The following NLRC4 variants were observed in gnomAD, a reference collection of about 807,000 sequenced individuals.
The protein encoded by NLRC4 is NLR family CARD domain-containing protein 4.
Under a neutral mutation model 79.9 loss-of-function variants are expected in NLRC4, and 63 were observed. The ratio of observed to expected loss-of-function variants is 0.79; its 90% CI spans 0.64 to 0.97. The LOEUF (loss-of-function observed/expected upper bound fraction) is 0.97. NLRC4 is among the 50% of genes least tolerant of loss of function. The probability of loss-of-function intolerance (pLI) is 0.00; values close to 1 mark genes in which losing one functional copy is unlikely to be tolerated. For synonymous variants in NLRC4, 461 were observed against 456.5 expected, an observed-to-expected ratio of 1.01 and a Z score of -0.12; for missense variants, 1,074 against 1,215.2, an observed-to-expected ratio of 0.88 and a Z score of 1.73.
At chr2:32,234,696 C>A (rs985702826) in intron 8 of NLRC4, among the ~76,000 whole-genome samples, 2 of 152,202 alleles carry the variant, frequency 1.3e-5, no homozygotes, top group Non-Finnish European at 2.9e-5. Context: ...AGTGAGGCCT[C>A]CAGCCAACAG....
chr2:32,247,293 G>A (rs1467887392), intron 4 of NLRC4, among the ~76,000 whole-genome samples: 2 of 151,508 alleles, frequency 1.3e-5, no homozygotes, highest in African/African-American at 2.4e-5. Context: ...AGCTTAACCT[G>A]CGTATATATT....
intron 3 of NLRC4, among the ~76,000 whole-genome samples, chr2:32,251,974 T>C (rs576127515): frequency 6.6e-6 from 1 of 152,274 alleles, no homozygotes; most frequent in Non-Finnish European, 1.5e-5. Context: ...TATTTACTAA[T>C]TAAAAAAATA....
Position 32,235,471 on chromosome 2 carries a change from C to T in NLRC4, c.2712G>A (p.Glu904=). 2 of 1,614,142 alleles carry T rather than the reference C, an allele frequency of 1.2e-6. No homozygotes were observed. Among genetic ancestry groups the T allele is most frequent in the Non-Finnish European group, 1.7e-6 (2 of 1,179,964 alleles). ...GSLSSLLKHL[E]EVPQLVKLGL... ...CAAGCTTGACGAGTTGTGGGACCTCCTCCAAATGTTTCAACAGGCTGCTCA... is the reference window on the plus strand; with the variant it reads ...CAAGCTTGACGAGTTGTGGGACCTCTTCCAAATGTTTCAACAGGCTGCTCA... The change falls in exon 8 of 9, where the codon GAG becomes GAA. Residue 904 remains glutamate (E), a synonymous_variant. Coordinates refer to ENST00000402280, the MANE Select transcript of NLRC4 (RefSeq NM_001199138.2).
intron 2 of NLRC4, 35 bp downstream of exon 2, chr2:32,256,740 T>C (rs1687215571): frequency 2.6e-6 from 2 of 780,662 alleles, no homozygotes; most frequent in African/African-American, 3.4e-5. Context: ...TAGCAGACTG[T>C]ATAACCAGGC....
At position 32,251,214 on chromosome 2, in the gene NLRC4, C is replaced by G; in HGVS notation, c.650G>C (p.Cys217Ser). The change falls in exon 4 of 9, where the codon TGT becomes TCT. Residue 217 changes from cysteine to serine, a missense_variant. Transcript: ENST00000402280. ...GCCAGGTATATCCAGGAGTTGATCA[C>G]AGAGGGTTTCAAAAAGTCCACCCTG... ...RAQGGLFETL[C>S]DQLLDIPGTI... The G allele has an allele frequency of 6.2e-7, 1 of 1,614,150 alleles. No individual in the cohort carries two copies. The highest frequency in any genetic ancestry group is 8.5e-7 in the Non-Finnish European group (1 of 1,180,032).
At chr2:32,264,221 G>A (rs987544839) in intron 1 of NLRC4, among the ~76,000 whole-genome samples, 2 of 151,998 alleles carry the variant, frequency 1.3e-5, no homozygotes, top group African/African-American at 2.4e-5. Flanking sequence ...AGATCACGAG[G>A]TCAGGAGTTG....
chr2:32,224,459 C>T lies in NLRC4; in HGVS notation c.*14G>A. ...GAGGTCCCAGAGCACTTACTGGCTT[C>T]GAGTACACTTTATTTAAGCAGTTAC... On this transcript the variant is annotated 3_prime_UTR_variant, in exon 9 of 9. Transcript: ENST00000402280. The T allele has an allele frequency of 1.9e-6, 3 of 1,562,554 alleles. No homozygotes were observed. The highest frequency in any genetic ancestry group is 1.2e-5 in the South Asian group (1 of 82,706).
chr2:32,245,165 G>T (rs1686902552), intron 4 of NLRC4, among the ~76,000 whole-genome samples: 1 of 151,818 alleles, frequency 6.6e-6, no homozygotes, highest in South Asian at 2.1e-4. Context: ...ACAAAAATTA[G>T]CCAGGCGTGT....
chr2:32,238,035 A>G, intron 6 of NLRC4, 97 bp downstream of exon 6: 1 of 888,182 alleles, frequency 1.1e-6, no homozygotes, highest in East Asian at 2.9e-5. Flanking sequence ...TTTCCTTAAA[A>G]TTAAATTTCC....
chr2:32,249,609 G>T lies in NLRC4; in HGVS notation c.2255C>A (p.Pro752Gln), dbSNP rs147496633. ...SIHDLQNQRL[P>Q]GGLTDSLGNL... Reference sequence around the variant, plus strand: ...CAAACCACTGATATTTACAATACCCGGCAGCCGTTGATTCTGTAGGTCATG... The same window carrying T: ...CAAACCACTGATATTTACAATACCCTGCAGCCGTTGATTCTGTAGGTCATG... Residue 752 changes from proline to glutamine, a missense_variant and splice_region_variant, in exon 4 of 9, where the codon CCG (proline) becomes CAG (glutamine). Physicochemically the swap from Pro to Gln is moderately conservative, Grantham distance 76. Coordinates refer to ENST00000402280, the MANE Select transcript of NLRC4 (RefSeq NM_001199138.2). The T allele has an allele frequency of 5.1e-6, 8 of 1,573,080 alleles. No individual in the cohort carries two copies. Among genetic ancestry groups the T allele is most frequent in the Non-Finnish European group, 6.0e-6 (7 of 1,160,118 alleles).
Position 32,261,316 on chromosome 2 carries a change from C to CCTTTTTTTTTTTTTTTTTTTTTTTTTT in NLRC4, c.-119+3421_-119+3422insAAAAAAAAAAAAAAAAAAAAAAAAAAG. ...TTCTTTCGCCTATTAAGCCTCCCCC[C>CCTTTTTTTTTTTTTTTTTTTTTTTTTT]TTTTGTTTTTTTTTGAGATGGAGCC... On this transcript the variant is annotated intron_variant, in intron 1 of 8. Transcript: ENST00000402280. 4.8e-4 allele frequency among the ~76,000 whole-genome samples: 47 copies of CCTTTTTTTTTTTTTTTTTTTTTTTTTT among 96,922 alleles called. 2 individuals carry two copies. The highest frequency in any genetic ancestry group is 1.4e-3 in the African/African-American group (33 of 24,222). The allele number at this position is 96,922 out of a possible 152,430, so 63.6% of individuals were successfully genotyped here. A position where few individuals can be genotyped will look rare whatever the true frequency, so the allele number is the denominator to read the frequency against.
At chr2:32,256,979 G>C (rs1310972842) in intron 1 of NLRC4, 86 bp from the exon 2 acceptor site, 2 of 512,472 alleles carry the variant, frequency 3.9e-6, no homozygotes, top group Non-Finnish European at 7.0e-6. Context: ...TTTCATAGAT[G>C]AGAAAATGGT....
At chr2:32,242,804 T>C (rs539396711) in intron 4 of NLRC4, among the ~76,000 whole-genome samples, 6 of 152,138 alleles carry the variant, frequency 3.9e-5, no homozygotes, top group Non-Finnish European at 7.4e-5. Context: ...CCCCGTGCTT[T>C]GGGGGGCAGA....
At chr2:32,246,317 C>T (rs1686935340) in intron 4 of NLRC4, among the ~76,000 whole-genome samples, 1 of 152,170 alleles carries the variant, frequency 6.6e-6, no homozygotes. Flanking sequence ...GAATAGTTGT[C>T]ATGAGTAGAT....
intron 5 of NLRC4, among the ~76,000 whole-genome samples, chr2:32,239,814 A>T (rs1686754226): frequency 6.6e-6 from 1 of 152,176 alleles, no homozygotes; most frequent in South Asian, 2.1e-4. Flanking sequence ...GTTCTAGTGG[A>T]GTTTTCTGTG....
chr2:32,252,492 T>G lies in NLRC4; in HGVS notation c.189A>C (p.Ser63=). 6.2e-7 allele frequency: 1 copy of G among 1,613,144 alleles called. No individual in the cohort carries two copies. Among genetic ancestry groups the G allele is most frequent in the Non-Finnish European group, 8.5e-7 (1 of 1,179,062 alleles). Reference sequence around the variant, plus strand: ...ATTTAAGAAAGAGGTTACAGGACTCTGAACCCTTTTTCAAAATCATGTGAA... The same window carrying G: ...ATTTAAGAAAGAGGTTACAGGACTCGGAACCCTTTTTCAAAATCATGTGAA... ...GIIHMILKKG[S]ESCNLFLKSL... The change falls in exon 3 of 9, where the codon TCA becomes TCC. Residue 63 remains serine, a synonymous_variant. Transcript: ENST00000402280.
At chr2:32,226,145 T>C (rs913507031) in intron 8 of NLRC4, among the ~76,000 whole-genome samples, 5 of 152,154 alleles carry the variant, frequency 3.3e-5, no homozygotes, top group African/African-American at 1.2e-4. Context: ...ATGACAGAAA[T>C]GGACAGTCTT....
rs1558458016 is a variant in NLRC4 at position 32,251,051 on chromosome 2, G to C, written c.813C>G (p.Phe271Leu). 1.2e-6 allele frequency: 2 copies of C among 1,614,168 alleles called. No individual in the cohort carries two copies. Among genetic ancestry groups the C allele is most frequent in the Non-Finnish European group, 1.7e-6 (2 of 1,180,042 alleles). Residue 271 changes from phenylalanine to leucine, a missense_variant, in exon 4 of 9, where the codon TTC (phenylalanine) becomes TTG (leucine). Phe to Leu is a conservative substitution (Grantham distance 22). Coordinates refer to ENST00000402280, the MANE Select transcript of NLRC4 (RefSeq NM_001199138.2). The stretch of plus-strand genomic sequence containing the variant: ...TAGTGGTGACGATGACCATGTTCTT[G>C]AAGCGGTGGTTTTCCTTTATCAGGG... ...IEALIKENHR[F>L]KNMVIVTTTT... is the part of the protein sequence containing the mutation.
At chr2:32,248,546 G>A (rs569075490) in intron 4 of NLRC4, among the ~76,000 whole-genome samples, 24 of 152,332 alleles carry the variant, frequency 1.6e-4, no homozygotes, top group African/African-American at 4.6e-4. Context: ...TAGGCTGGGC[G>A]TGGTGGCTCA....
Sources: allele counts gnomAD v4.1 joint callset (sites outside exome capture counted in the v4.1 genomes callset), GRCh38; gene constraint gnomAD v4.1.1; transcripts MANE v1.5; gene names NCBI Gene and HGNC (gene_info 2026-07-23, HGNC 2026-07-21).